STK39: variants seen among roughly 807,000 people sequenced by gnomAD.
The protein encoded by STK39 is STE20/SPS1-related proline-alanine-rich protein kinase.
Under a neutral mutation model 77.8 loss-of-function variants are expected in STK39, and 20 were observed. The observed-to-expected ratio is 0.26, with a 90% CI of 0.18 to 0.37. STK39 has a LOEUF of 0.37. Among genes scored for constraint, STK39 ranks in the 10% least tolerant of loss-of-function variants. The pLI, the probability that STK39 is intolerant of heterozygous loss-of-function variation, is 1.00. For synonymous variants in STK39, 246 were observed against 234.1 expected (o/e 1.05, Z -0.47); for missense variants, 479 against 656.5 (o/e 0.73, Z 2.95).
At chr2:168,128,536 C>G (rs1018147303) in intron 10 of STK39, among the ~76,000 whole-genome samples, 1 of 152,140 alleles carries the variant, frequency 6.6e-6, no homozygotes, top group African/African-American at 2.4e-5. Context: ...ACCAGCCCAC[C>G]CCACATAATT....
intron 14 of STK39, among the ~76,000 whole-genome samples, chr2:168,030,921 A>C (rs1684817642): frequency 6.6e-6 from 1 of 152,234 alleles, no homozygotes; most frequent in African/African-American, 2.4e-5. Context: ...TCCATGCACG[A>C]GAATACATCA....
chr2:168,244,393 A>AT (rs1690846759), intron 1 of STK39, among the ~76,000 whole-genome samples: 1 of 152,222 alleles, frequency 6.6e-6, no homozygotes. Flanking sequence ...GCCATGCTGG[A>AT]AAGTTAAAAC....
chr2:168,228,012 A>G (rs1248285728), intron 1 of STK39, among the ~76,000 whole-genome samples: 1 of 152,198 alleles, frequency 6.6e-6, no homozygotes, highest in East Asian at 1.9e-4. Flanking sequence ...AGGTGATCCA[A>G]TAGTATCTAG....
intron 10 of STK39, among the ~76,000 whole-genome samples, chr2:168,117,945 C>A (rs753377809): frequency 1.3e-5 from 2 of 152,070 alleles, no homozygotes; most frequent in African/African-American, 4.8e-5. Context: ...AGAGTTTTGA[C>A]AAGATCAAAA....
At chr2:168,174,345 A>G (rs1485378602) in intron 2 of STK39, among the ~76,000 whole-genome samples, 1 of 152,186 alleles carries the variant, frequency 6.6e-6, no homozygotes, top group Admixed American at 6.6e-5. Flanking sequence ...CCCAAGGCCT[A>G]CTTGCTTCGT....
intron 10 of STK39, among the ~76,000 whole-genome samples, chr2:168,123,330 A>C (rs1429530185): frequency 6.6e-6 from 1 of 152,214 alleles, no homozygotes; most frequent in African/African-American, 2.4e-5. Flanking sequence ...AATTCAAATA[A>C]GATCTAAAAA....
At chr2:168,062,972 C>T (rs150337773) in intron 14 of STK39, among the ~76,000 whole-genome samples, 1 of 152,014 alleles carries the variant, frequency 6.6e-6, no homozygotes, top group Admixed American at 6.6e-5. Context: ...CTACTGCAGA[C>T]AAAGACCATA....
chr2:168,087,574 G>C (rs1359853589), intron 10 of STK39, among the ~76,000 whole-genome samples: 2 of 152,240 alleles, frequency 1.3e-5, no homozygotes, highest in Non-Finnish European at 2.9e-5. Context: ...CTGTGCCCTA[G>C]AGCTCCAGCT....
rs984620244 is a variant in STK39 at position 168,074,864 on chromosome 2, C to G, written c.1242+118G>C. 13 of 1,234,448 alleles carry G rather than the reference C, an allele frequency of 1.1e-5. No homozygotes were observed. In the Admixed American group the frequency reaches 3.0e-4, roughly 29 times the overall value. The allele number at this position is 1,234,448 out of a possible 1,614,324, so 76.5% of individuals were successfully genotyped here. On this transcript the variant is annotated intron_variant, in intron 12 of 17. Coordinates refer to ENST00000355999, the MANE Select transcript of STK39 (RefSeq NM_013233.3). ...ATTAGGAGCTGCAAAGTCCTCGTGCCTTTCCTTTTTCTTTCTACTCCATGA... is the reference window on the plus strand; with the variant it reads ...ATTAGGAGCTGCAAAGTCCTCGTGCGTTTCCTTTTTCTTTCTACTCCATGA...
At chr2:168,245,206 C>G (rs1690867264) in intron 1 of STK39, among the ~76,000 whole-genome samples, 1 of 152,188 alleles carries the variant, frequency 6.6e-6, no homozygotes, top group Non-Finnish European at 1.5e-5. Context: ...CTTACAAACT[C>G]AGACTTAAAA....
At chr2:167,994,454 A>C (rs1363278373) in intron 16 of STK39, among the ~76,000 whole-genome samples, 2 of 152,228 alleles carry the variant, frequency 1.3e-5, no homozygotes, top group Non-Finnish European at 2.9e-5. Context: ...AAACTCATAT[A>C]GCATAAAATC....
At chr2:168,221,290 G>A (rs1482972910) in intron 1 of STK39, among the ~76,000 whole-genome samples, 2 of 152,082 alleles carry the variant, frequency 1.3e-5, no homozygotes, top group Non-Finnish European at 2.9e-5. Context: ...AACATTGATT[G>A]TCTCAGAGTC....
At chr2:168,059,087 G>T (rs552947102) in intron 14 of STK39, among the ~76,000 whole-genome samples, 1 of 152,274 alleles carries the variant, frequency 6.6e-6, no homozygotes, top group East Asian at 1.9e-4. Context: ...TGCTTCAAAC[G>T]TTTGCAAGTG....
intron 10 of STK39, among the ~76,000 whole-genome samples, chr2:168,120,777 A>C (rs1687385299): frequency 6.6e-6 from 1 of 152,194 alleles, no homozygotes; most frequent in South Asian, 2.1e-4. Context: ...TATTACCATT[A>C]CCACTTCATG....
intron 16 of STK39, among the ~76,000 whole-genome samples, chr2:167,991,172 C>T (rs1367066014): frequency 2.6e-5 from 4 of 152,208 alleles, no homozygotes; most frequent in Non-Finnish European, 5.9e-5. Flanking sequence ...CCAACCAAGT[C>T]ACTATTGAAA....
chr2:168,142,930 C>T (rs1162413565), intron 5 of STK39, among the ~76,000 whole-genome samples: 1 of 152,080 alleles, frequency 6.6e-6, no homozygotes, highest in Non-Finnish European at 1.5e-5. Flanking sequence ...GTTATATACA[C>T]AAAAAATTGG....
intron 14 of STK39, among the ~76,000 whole-genome samples, chr2:168,023,358 T>C (rs146668487): frequency 6.6e-6 from 1 of 152,204 alleles, no homozygotes; most frequent in Non-Finnish European, 1.5e-5. Context: ...TCAGTTCATC[T>C]TCAAGTGACA....
chr2:168,067,929 G>GC (rs947060022), intron 12 of STK39, among the ~76,000 whole-genome samples: 14 of 152,088 alleles, frequency 9.2e-5, no homozygotes, highest in Non-Finnish European at 7.4e-5. Flanking sequence ...TAATAGACTC[G>GC]CAGGTTCACA....
chr2:168,236,440 A>T (rs1690611817), intron 1 of STK39, among the ~76,000 whole-genome samples: 1 of 152,156 alleles, frequency 6.6e-6, no homozygotes. Flanking sequence ...TGCTGTGCAG[A>T]AGCTGTTTAG....
Sources: allele counts gnomAD v4.1 joint callset (sites outside exome capture counted in the v4.1 genomes callset), GRCh38; gene constraint gnomAD v4.1.1; transcripts MANE v1.5; gene names NCBI Gene and HGNC (gene_info 2026-07-23, HGNC 2026-07-21).